The following NAALADL2 variants were observed in gnomAD, a reference collection of about 807,000 sequenced individuals.
NAALADL2 encodes the protein N-acetylated alpha-linked acidic dipeptidase like 2.
Under a neutral mutation model 87.2 loss-of-function variants are expected in NAALADL2, and 76 were observed. That is an observed-to-expected ratio of 0.87 (90% confidence interval 0.72 to 1.05). The LOEUF (loss-of-function observed/expected upper bound fraction) is 1.05. Among genes scored for constraint, NAALADL2 ranks in the 50% least tolerant of loss-of-function variants. The pLI is 0.00. For synonymous variants in NAALADL2, 354 were observed against 331.0 expected (o/e 1.07, Z -0.75); for missense variants, 1,089 against 945.8 (o/e 1.15, Z -1.99).
intron 2 of NAALADL2, among the ~76,000 whole-genome samples, chr3:175,177,586 A>G (rs1477992425): frequency 1.3e-5 from 2 of 152,122 alleles, no homozygotes; most frequent in African/African-American, 4.8e-5. Context: ...AATGGAAATA[A>G]ATATACTAAT....
chr3:174,530,010 C>T (rs543911978), intron 1 of NAALADL2, among the ~76,000 whole-genome samples: 3 of 152,116 alleles, frequency 2.0e-5, no homozygotes, highest in Non-Finnish European at 2.9e-5. Flanking sequence ...TTTCTGCAGC[C>T]GGCTTGAATT....
At chr3:174,895,295 A>G (rs1414072453) in intron 1 of NAALADL2, among the ~76,000 whole-genome samples, 1 of 150,332 alleles carries the variant, frequency 6.7e-6, no homozygotes, top group Non-Finnish European at 1.5e-5. Flanking sequence ...CCAGATTAAG[A>G]AAAACAGAGA....
intron 2 of NAALADL2, among the ~76,000 whole-genome samples, chr3:175,217,032 G>A (rs1257409636): frequency 6.6e-6 from 1 of 152,084 alleles, no homozygotes; most frequent in Non-Finnish European, 1.5e-5. Flanking sequence ...AAGGAAACAA[G>A]TTTTCAACCT....
At chr3:174,841,481 G>T (rs1289895614) in intron 3 of NAALADL2, among the ~76,000 whole-genome samples, 1 of 152,148 alleles carries the variant, frequency 6.6e-6, no homozygotes, top group Non-Finnish European at 1.5e-5. Flanking sequence ...CTACATCACA[G>T]TTGGCATTAT....
At chr3:174,736,577 T>C (rs1349314289) in intron 2 of NAALADL2, among the ~76,000 whole-genome samples, 1 of 152,092 alleles carries the variant, frequency 6.6e-6, no homozygotes, top group African/African-American at 2.4e-5. Flanking sequence ...GTAGGCAGGT[T>C]GTCCTGTCAT....
intron 1 of NAALADL2, among the ~76,000 whole-genome samples, chr3:175,063,560 T>G (rs1214962130): frequency 1.3e-5 from 2 of 152,066 alleles, no homozygotes; most frequent in Admixed American, 6.6e-5. Flanking sequence ...CACTGCAGCC[T>G]CCACCTTCTG....
intron 2 of NAALADL2, among the ~76,000 whole-genome samples, chr3:175,156,334 T>C (rs559788120): frequency 1.0e-5 from 1 of 99,142 alleles, no homozygotes; most frequent in Non-Finnish European, 2.6e-5. Context: ...ATAGCTCTAC[T>C]ACCTCAGTGT....
At chr3:174,971,665 C>CTGTGTGTGTGTGTGTGTG (rs10662918) in intron 1 of NAALADL2, among the ~76,000 whole-genome samples, 55 of 144,810 alleles carry the variant, frequency 3.8e-4, no homozygotes, top group African/African-American at 1.3e-3. Context: ...GTATGCTAGA[C>CTGTGTGTGTGTGTGTGTG]TGTGTGTGTG....
chr3:174,562,514 G>A (rs936852116), intron 2 of NAALADL2, among the ~76,000 whole-genome samples: 4 of 152,080 alleles, frequency 2.6e-5, no homozygotes, highest in African/African-American at 9.6e-5. Context: ...TCCAGACTAC[G>A]GTAGAACTGT....
intron 1 of NAALADL2, chr3:175,081,012 C>T (rs1159813267): frequency 6.6e-6 from 1 of 152,114 alleles, no homozygotes; most frequent in Non-Finnish European, 1.5e-5. Context: ...TCCCTCTATC[C>T]CTCAGCTCTT....
At chr3:175,627,811 G>A (rs1727201498) in intron 11 of NAALADL2, among the ~76,000 whole-genome samples, 1 of 151,534 alleles carries the variant, frequency 6.6e-6, no homozygotes, top group African/African-American at 2.4e-5. Context: ...TTCATCTCAG[G>A]CCATGTATCT....
chr3:174,657,357 A>G (rs540549055), intron 2 of NAALADL2, among the ~76,000 whole-genome samples: 4 of 152,024 alleles, frequency 2.6e-5, no homozygotes, highest in East Asian at 3.9e-4. Context: ...GGGCTTCACC[A>G]TGTTGGCAAG....
chr3:175,328,430 A>T (rs1023341655), intron 5 of NAALADL2, among the ~76,000 whole-genome samples: 3 of 152,106 alleles, frequency 2.0e-5, no homozygotes, highest in Non-Finnish European at 4.4e-5. Flanking sequence ...AAAAAAAAAA[A>T]AGTCTAACCC....
intron 1 of NAALADL2, among the ~76,000 whole-genome samples, chr3:175,011,994 C>T (rs1749889401): frequency 6.6e-6 from 1 of 152,082 alleles, no homozygotes; most frequent in African/African-American, 2.4e-5. Context: ...AAAACCTAAT[C>T]TTTAGGAAAA....
At chr3:175,737,835 T>A (rs1583063060) in intron 12 of NAALADL2, among the ~76,000 whole-genome samples, 1 of 151,110 alleles carries the variant, frequency 6.6e-6, no homozygotes, top group Non-Finnish European at 1.5e-5. Context: ...CCCATTCCAT[T>A]TGACTGAGTT....
chr3:174,708,285 T>A (rs189757487), intron 2 of NAALADL2, among the ~76,000 whole-genome samples: 1 of 152,324 alleles, frequency 6.6e-6, no homozygotes, highest in African/African-American at 2.4e-5. Flanking sequence ...AATGAGACTT[T>A]CCATTGGGAA....
chr3:174,753,099 GCTTT>G (rs929988130), intron 3 of NAALADL2, among the ~76,000 whole-genome samples: 4 of 151,708 alleles, frequency 2.6e-5, no homozygotes, highest in South Asian at 4.2e-4. Flanking sequence ...TCCCCTTTTT[GCTTT>G]CTTTCTTTCT....
intron 3 of NAALADL2, among the ~76,000 whole-genome samples, chr3:174,781,088 A>C (rs2109147845): frequency 6.6e-6 from 1 of 152,124 alleles, no homozygotes; most frequent in Middle Eastern, 3.4e-3. Context: ...CTTTTTGTTA[A>C]GAATGTTGAA....
intron 9 of NAALADL2, among the ~76,000 whole-genome samples, chr3:175,537,006 T>A (rs1255823044): frequency 1.3e-5 from 2 of 152,140 alleles, no homozygotes; most frequent in African/African-American, 4.8e-5. Context: ...TAAATAAGAA[T>A]GTATTATATT....
Sources: allele counts gnomAD v4.1 joint callset (sites outside exome capture counted in the v4.1 genomes callset), GRCh38; gene constraint gnomAD v4.1.1; transcripts MANE v1.5; gene names NCBI Gene and HGNC (gene_info 2026-07-23, HGNC 2026-07-21).